Variants in EIF4E3 observed in about 807,000 individuals in gnomAD.
EIF4E3 encodes eukaryotic translation initiation factor 4E type 3.
Under a neutral mutation model 31.7 loss-of-function variants are expected in EIF4E3, and 26 were observed. That is an observed-to-expected ratio of 0.82 (90% confidence interval 0.60 to 1.14). EIF4E3 has a LOEUF of 1.14. Ranked by LOEUF, EIF4E3 falls within the 50% of genes most tolerant of loss-of-function variation. The pLI is 0.00. For synonymous variants in EIF4E3, 128 were observed against 107.7 expected, an observed-to-expected ratio of 1.19 and a Z score of -1.17; for missense variants, 304 against 270.9, an observed-to-expected ratio of 1.12 and a Z score of -0.86.
At chr3:71,666,796 G>A in the EIF4E3 span, among the ~76,000 whole-genome samples, 2 of 152,040 alleles carry the variant, frequency 1.3e-5, no homozygotes, top group Non-Finnish European at 2.9e-5. Flanking sequence ...AAAATTAGCT[G>A]GGCATGGTGG....
chr3:71,698,560 C>A (rs576634971), intron 3 of EIF4E3, among the ~76,000 whole-genome samples: 2 of 152,222 alleles, frequency 1.3e-5, no homozygotes, highest in Non-Finnish European at 2.9e-5. Flanking sequence ...GTTGACTCCA[C>A]GTCCTAGCTT....
downstream of EIF4E3, among the ~76,000 whole-genome samples, chr3:71,674,545 T>A (rs1054477526): frequency 2.6e-5 from 4 of 152,172 alleles, no homozygotes; most frequent in Admixed American, 6.5e-5. Flanking sequence ...GGATGATTTG[T>A]TTTTTCCCAA....
chr3:71,702,753 T>C (rs905205579), intron 2 of EIF4E3, among the ~76,000 whole-genome samples: 1 of 150,720 alleles, frequency 6.6e-6, no homozygotes, highest in African/African-American at 2.4e-5. Context: ...CATGTGTCAT[T>C]AAACTGGTCT....
intron 1 of EIF4E3, among the ~76,000 whole-genome samples, chr3:71,738,978 G>A (rs1242505347): frequency 3.1e-5 from 3 of 95,814 alleles, no homozygotes; most frequent in Non-Finnish European, 5.9e-5. Context: ...AAATTGAACA[G>A]TATATATATA....
intron 1 of EIF4E3, among the ~76,000 whole-genome samples, chr3:71,714,073 G>A (rs532288387): frequency 5.5e-4 from 83 of 152,208 alleles, no homozygotes; most frequent in African/African-American, 1.8e-3. Flanking sequence ...ATAGCTGGAC[G>A]TGGTGGTGTA....
chr3:71,696,660 G>A, intron 3 of EIF4E3, 140 bp from the exon 4 acceptor site: 1 of 930,350 alleles, frequency 1.1e-6, no homozygotes, highest in Non-Finnish European at 1.6e-6. Context: ...TCTTATTTTT[G>A]TTTTTTATTT....
At chr3:71,744,034 T>G (rs1329601104) in intron 1 of EIF4E3, among the ~76,000 whole-genome samples, 1 of 152,138 alleles carries the variant, frequency 6.6e-6, no homozygotes, top group Admixed American at 6.5e-5. Flanking sequence ...AACCATGGTT[T>G]AGGCAAGAAT....
chr3:71,703,544 T>C (rs896567302), intron 2 of EIF4E3, among the ~76,000 whole-genome samples: 4 of 152,210 alleles, frequency 2.6e-5, no homozygotes, highest in Non-Finnish European at 5.9e-5. Flanking sequence ...GACCCATTAA[T>C]ATGCTGACCA....
chr3:71,694,061 A>G, intron 4 of EIF4E3, 120 bp from the exon 5 acceptor site: 2 of 954,508 alleles, frequency 2.1e-6, no homozygotes, highest in Non-Finnish European at 3.0e-6. Flanking sequence ...CTGTGCCCAT[A>G]CTTGGAGTCC....
upstream of EIF4E3, among the ~76,000 whole-genome samples, chr3:71,725,919 G>A (rs75537698): frequency 6.6e-6 from 1 of 152,128 alleles, no homozygotes; most frequent in African/African-American, 2.4e-5. This position sits in a 1 kb window ranked among gnomAD's most constrained non-coding sequence, Gnocchi z 6.1. Flanking sequence ...GGGATGGAGG[G>A]CAGATGGAAG....
chr3:71,717,576 G>C (rs964248377), intron 1 of EIF4E3, among the ~76,000 whole-genome samples: 3 of 152,174 alleles, frequency 2.0e-5, no homozygotes, highest in Non-Finnish European at 4.4e-5. Flanking sequence ...AAAATTAAGA[G>C]GTAGAGCCAG....
rs1402525504 is a variant in EIF4E3 at position 71,679,621 on chromosome 3, A to G, written c.*5061T>C. 1 of 152,208 alleles carries G rather than the reference A, an allele frequency of 6.6e-6. No homozygotes were observed. Among genetic ancestry groups the G allele is most frequent in the East Asian group, 1.9e-4 (1 of 5,196 alleles). 9.4% of individuals were successfully genotyped at this position (152,208 alleles called of 1,614,324 possible). ...CTGAATTTCAGTAGCAATGATGAAC[A>G]AAAAAATACTGACTTTGCAATGACT... is the stretch of plus-strand genomic sequence containing the variant. On this transcript the variant is annotated 3_prime_UTR_variant, in exon 7 of 7. Transcript: ENST00000425534.
intron 1 of EIF4E3, among the ~76,000 whole-genome samples, chr3:71,711,513 C>T (rs2049378818): frequency 6.6e-6 from 1 of 152,198 alleles, no homozygotes; most frequent in Non-Finnish European, 1.5e-5. Flanking sequence ...GTATGTTGTA[C>T]TTCCTGGACA....
At chr3:71,702,100 T>C (rs1200536946) in intron 2 of EIF4E3, among the ~76,000 whole-genome samples, 1 of 152,180 alleles carries the variant, frequency 6.6e-6, no homozygotes, top group African/African-American at 2.4e-5. Flanking sequence ...AAGATACTAC[T>C]ATATGTTTTT....
At chr3:71,745,942 CTTGT>C (rs749423016) in intron 1 of EIF4E3, among the ~76,000 whole-genome samples, 27 of 152,052 alleles carry the variant, frequency 1.8e-4, no homozygotes, top group Non-Finnish European at 3.4e-4. Flanking sequence ...GTGTAGACTC[CTTGT>C]TTGTTTCTTT....
chr3:71,750,749 A>G (rs1396028919), intron 1 of EIF4E3, among the ~76,000 whole-genome samples: 1 of 147,298 alleles, frequency 6.8e-6, no homozygotes, highest in Admixed American at 6.7e-5. Context: ...GGGAGACCCC[A>G]TCTCTACAAA....
rs183863907 is a variant in EIF4E3, at chr3:71,742,308, A to G, written c.-291+11155T>C. 2.7e-3 allele frequency among the ~76,000 whole-genome samples: 416 copies of G among 152,262 alleles called. 2 individuals are homozygous for G. The highest frequency in any genetic ancestry group is 9.6e-3 in the African/African-American group (399 of 41,586). On this transcript the variant is annotated intron_variant, in intron 1 of 7. Transcript: ENST00000295612. ...CAGAAATGACACAGAAGATATCAATACTGACTTTATATTATAGCTATGTAG... is the reference window on the plus strand; with the variant it reads ...CAGAAATGACACAGAAGATATCAATGCTGACTTTATATTATAGCTATGTAG...
At chr3:71,722,093 C>T (rs1431629626) in intron 1 of EIF4E3, among the ~76,000 whole-genome samples, 3 of 38,226 alleles carry the variant, frequency 7.8e-5, no homozygotes, top group East Asian at 2.0e-3. Context: ...GGCTTTTCCT[C>T]GGGGGGGCGG....
chr3:71,697,479 A>G (rs1445478651), intron 3 of EIF4E3, among the ~76,000 whole-genome samples: 1 of 152,216 alleles, frequency 6.6e-6, no homozygotes, highest in Non-Finnish European at 1.5e-5. Flanking sequence ...AATTATTGTT[A>G]ACTATAGTTA....
Sources: gnomAD v4.1 joint callset for allele counts (sites outside exome capture counted in the v4.1 genomes callset) on GRCh38, gnomAD v4.1.1 for gene constraint, Gnocchi (gnomAD v3.1) non-coding constraint, MANE v1.5 for transcripts, NCBI Gene and HGNC (gene_info 2026-07-23, HGNC 2026-07-21) for gene names.